Variants in PASD1 observed in about 807,000 individuals in gnomAD.
PASD1 encodes circadian clock protein PASD1.
PASD1 carries 13 observed loss-of-function variants against 58.8 expected under a neutral mutation model. The ratio of observed to expected loss-of-function variants is 0.22; its 90% CI spans 0.14 to 0.35. The LOEUF is 0.35. PASD1 is among the 10% of genes least tolerant of loss of function. The pLI, the probability that PASD1 is intolerant of heterozygous loss-of-function variation, is 1.00. For missense variants in PASD1, 734 were observed against 568.3 expected (o/e 1.29, Z -2.96); for synonymous variants, 236 against 216.7 (o/e 1.09, Z -0.78).
At chrX:151,654,872 A>G (rs2014216219) in intron 9 of PASD1, among the ~76,000 whole-genome samples, 1 of 110,649 alleles carries the variant, frequency 9.0e-6, no homozygotes, top group Non-Finnish European at 1.9e-5. Context: ...TTATTATTAT[A>G]CTTTACGTTC....
At chrX:151,646,147 T>C (rs1339092020) in intron 8 of PASD1, among the ~76,000 whole-genome samples, 1 of 111,626 alleles carries the variant, frequency 9.0e-6, no homozygotes, top group African/African-American at 3.3e-5. Flanking sequence ...TGGGTTCAAG[T>C]GATCCTCCCA....
intron 1 of PASD1, among the ~76,000 whole-genome samples, chrX:151,564,832 C>T (rs952236189): frequency 9.0e-6 from 1 of 111,401 alleles, no homozygotes; most frequent in Non-Finnish European, 1.9e-5. Context: ...GAATGAACCA[C>T]GGCACCCCAG....
chrX:151,672,753 A>G (rs2294101), intron 14 of PASD1, 92 bp downstream of exon 14: 281,034 of 1,138,336 alleles, frequency 0.25, 24,632 homozygotes, highest in Admixed American at 0.37. Flanking sequence ...CAGACGACCT[A>G]TCCATGTGGC....
In PASD1 at chrX:151,676,035, TC is replaced by T; in HGVS notation, c.2216del (p.Pro739HisfsTer15). On this transcript the variant is annotated frameshift_variant, in exon 16 of 16. Transcript: ENST00000370357. LOFTEE classifies it low-confidence loss of function (END_TRUNC). ...AGGTAGGAGTCGAGGGACCTCCTGA[TC>T]CACAGGCTTTCCAAGGCCCTGCTGC... ...SEVGVEGPPD[P>X]QAFQGPAAYQ... is the part of the protein sequence containing the mutation. The T allele has an allele frequency of 2.5e-6, 3 of 1,211,350 alleles. No individual in the cohort carries two copies. The highest frequency in any genetic ancestry group is 3.5e-5 in the African/African-American group (2 of 57,820).
rs1278044824 is a variant in PASD1 at position 151,567,044 on chromosome X, CAAAATAAATAAA to C, written c.-28+3206_-28+3217del. Among the ~76,000 whole-genome samples, 4 of 76,305 alleles carry C rather than the reference CAAAATAAATAAA, an allele frequency of 5.2e-5. No individual in the cohort carries two copies. The South Asian group carries it at 1.8e-3, about 34-fold the overall frequency. The allele number at this position is 76,305 out of a possible 115,157, so 66.3% of individuals were successfully genotyped here. On this transcript the variant is annotated intron_variant, in intron 1 of 15. Coordinates refer to ENST00000370357, the MANE Select transcript of PASD1 (RefSeq NM_173493.3). Reference sequence around the variant, plus strand: ...GGGCAACAAGAGTGAAACTCCGTCTCAAAATAAATAAATAAATAAATAAATAAATAAATAAAT... The same window carrying C: ...GGGCAACAAGAGTGAAACTCCGTCTCTAAATAAATAAATAAATAAATAAAT...
intron 1 of PASD1, among the ~76,000 whole-genome samples, chrX:151,566,892 C>T (rs5924645): frequency 0.047 from 5,123 of 108,368 alleles, 113 homozygotes; most frequent in African/African-American, 0.083. Flanking sequence ...CATGGAAAAA[C>T]CCCGTCTCTA....
intron 10 of PASD1, among the ~76,000 whole-genome samples, chrX:151,660,546 G>T (rs2014296707): frequency 8.9e-6 from 1 of 112,073 alleles, no homozygotes; most frequent in Non-Finnish European, 1.9e-5. Context: ...TTGATTTTTG[G>T]CAGGAGAGGT....
chrX:151,584,188 A>G (rs775757247), intron 1 of PASD1, among the ~76,000 whole-genome samples: 56 of 111,971 alleles, frequency 5.0e-4, no homozygotes, highest in African/African-American at 1.7e-3. Context: ...GAAATCAATC[A>G]GGGAAAGATA....
At chrX:151,675,409 G>C (rs1304505840) in intron 15 of PASD1, among the ~76,000 whole-genome samples, 1 of 111,869 alleles carries the variant, frequency 8.9e-6, no homozygotes, top group African/African-American at 3.2e-5. Context: ...GCCCAGCCCT[G>C]CTCCTTTTGC....
chrX:151,670,437 A>T (rs917381535), intron 11 of PASD1, among the ~76,000 whole-genome samples: 1 of 112,090 alleles, frequency 8.9e-6, no homozygotes, highest in African/African-American at 3.2e-5. Context: ...GCCCCATAGC[A>T]CACTCTCTAC....
At chrX:151,594,298 T>C (rs771480910) in intron 1 of PASD1, among the ~76,000 whole-genome samples, 9 of 112,086 alleles carry the variant, frequency 8.0e-5, no homozygotes, top group Admixed American at 1.9e-4. Flanking sequence ...TATGAGTATG[T>C]TTTGATTTAA....
chrX:151,592,956 C>T (rs190610921), intron 1 of PASD1, among the ~76,000 whole-genome samples: 1 of 111,447 alleles, frequency 9.0e-6, no homozygotes, highest in East Asian at 2.8e-4. Context: ...AAATTACCAA[C>T]TCTTAATTGT....
At chrX:151,657,695 C>T (rs865972835) in intron 9 of PASD1, among the ~76,000 whole-genome samples, 51 of 111,111 alleles carry the variant, frequency 4.6e-4, no homozygotes, top group African/African-American at 1.4e-3. Flanking sequence ...TCTGTGGGAT[C>T]GGTGGTGATA....
intron 9 of PASD1, among the ~76,000 whole-genome samples, chrX:151,655,429 A>G (rs938614772): frequency 2.7e-5 from 3 of 111,900 alleles, no homozygotes; most frequent in Non-Finnish European, 5.7e-5. Context: ...GAATTGCCAC[A>G]CTTTCTTCCA....
intron 8 of PASD1, among the ~76,000 whole-genome samples, chrX:151,627,203 ATTAT>A (rs1017531249): frequency 1.5e-4 from 16 of 109,752 alleles, no homozygotes; most frequent in Middle Eastern, 4.7e-3. Flanking sequence ...ATTTTTATTT[ATTAT>A]TTATTTATTT....
intron 8 of PASD1, among the ~76,000 whole-genome samples, chrX:151,628,059 T>C (rs1293963811): frequency 9.0e-6 from 1 of 111,714 alleles, no homozygotes; most frequent in Non-Finnish European, 1.9e-5. Context: ...GCTGTTTGTT[T>C]TTTTCTTGTA....
At chrX:151,593,023 G>T (rs1221287268) in intron 1 of PASD1, among the ~76,000 whole-genome samples, 2 of 110,316 alleles carry the variant, frequency 1.8e-5, no homozygotes, top group Non-Finnish European at 3.8e-5. Context: ...GTAAAGCTTT[G>T]TAGTTAGATG....
chrX:151,671,527 A>C, intron 12 of PASD1, 46 bp from the exon 13 acceptor site: 1 of 1,172,148 alleles, frequency 8.5e-7, no homozygotes, highest in East Asian at 3.0e-5. Flanking sequence ...CCTTAAGGAA[A>C]GGTGTGGACT....
rs755050395 is a variant in PASD1 at position 151,672,619 on chromosome X, A to T, written c.1874A>T (p.Tyr625Phe). Residue 625 changes from tyrosine to phenylalanine, a missense_variant, in exon 14 of 16, where the codon TAT becomes TTT. Coordinates refer to ENST00000370357, the MANE Select transcript of PASD1 (RefSeq NM_173493.3). ...RAAEQQPSGF[Y>F]QDENCGQQED... Reference sequence around the variant, plus strand: ...GCTGAACAACAGCCCTCTGGCTTCTATCAAGATGAAAACTGTGGGCAACAG... The same window carrying T: ...GCTGAACAACAGCCCTCTGGCTTCTTTCAAGATGAAAACTGTGGGCAACAG... The T allele has an allele frequency of 6.6e-5, 80 of 1,210,434 alleles. No individual in the cohort carries two copies. In the East Asian group the frequency reaches 2.4e-3, roughly 36 times the overall value.
Sources: allele counts gnomAD v4.1 joint callset (sites outside exome capture counted in the v4.1 genomes callset), GRCh38; gene constraint gnomAD v4.1.1; transcripts MANE v1.5; gene names NCBI Gene and HGNC (gene_info 2026-07-23, HGNC 2026-07-21).